MID1: variants seen among roughly 807,000 people sequenced by gnomAD.
MID1 encodes E3 ubiquitin-protein ligase Midline-1.
In MID1, 7 loss-of-function variants were observed where a neutral mutation model predicts 40.4. The ratio of observed to expected loss-of-function variants is 0.17; its 90% confidence interval spans 0.10 to 0.33. MID1 has a LOEUF of 0.33. Ranked by LOEUF, MID1 falls within the 10% of genes least tolerant of loss-of-function variation. MID1 has a pLI of 1.00. For synonymous variants in MID1, 229 were observed against 221.2 expected (o/e 1.04, Z -0.31); for missense variants, 367 against 558.5 (o/e 0.66, Z 3.46).
Position 10,482,495 on chromosome X carries a change from T to G in MID1, c.998A>C (p.Lys333Thr). 1 of 1,210,961 alleles carries G rather than the reference T, an allele frequency of 8.3e-7. No individual in the cohort carries two copies. Among genetic ancestry groups the G allele is most frequent in the Non-Finnish European group, 1.1e-6 (1 of 895,458 alleles). ...CTGCACTCACCTCTCGGTGATATTC[T>G]TAGCAGTCTGTAGGAAACGCGCATG... ...NDHARFLQTA[K>T]NITERVSMAT... The change falls in exon 5 of 10, where the codon AAG (lysine) becomes ACG (threonine). Residue 333 changes from lysine to threonine, a missense_variant. Around this residue, in one of 3 missense-constraint regions of MID1, gnomAD observed 275 missense variants for 383.1 expected, o/e 0.72. Transcript: ENST00000317552.
chrX:10,785,662 G>A (rs1295297209), intron 1 of MID1, among the ~76,000 whole-genome samples: 4,715 of 110,045 alleles, frequency 0.043, 265 homozygotes, highest in African/African-American at 0.15. Context: ...AAATAATGCC[G>A]CATATCTACA....
intron 1 of MID1, among the ~76,000 whole-genome samples, chrX:10,803,509 C>T (rs1309002033): frequency 5.5e-5 from 6 of 109,707 alleles, no homozygotes; most frequent in African/African-American, 1.7e-4. Context: ...TGCACCACCA[C>T]GCCCGGCTAA....
At position 10,636,785 on chromosome X, in the gene MID1, G is replaced by GAGATATAT. The variant is rs757390504; in HGVS notation, c.-186-16367_-186-16366insATATATCT. On this transcript the variant is annotated intron_variant, in intron 1 of 10. Transcript: ENST00000380785. ...CAAACTGGGCCATTCCAACAATGGG[G>GAGATATAT]ATATATATATATATATATATATATA... 1.7e-3 allele frequency among the ~76,000 whole-genome samples: 72 copies of GAGATATAT among 42,708 alleles called. 2 individuals are homozygous for GAGATATAT. The highest frequency in any genetic ancestry group is 0.015 in the Middle Eastern group (1 of 68). The allele number at this position is 42,708 out of a possible 115,157, so 37.1% of individuals were successfully genotyped here. A position where few individuals can be genotyped will look rare whatever the true frequency, so the allele number is the denominator to read the frequency against.
chrX:10,790,591 G>T (rs2043923518), intron 1 of MID1, among the ~76,000 whole-genome samples: 1 of 110,783 alleles, frequency 9.0e-6, no homozygotes, highest in African/African-American at 3.3e-5. Flanking sequence ...ACTAGTACCA[G>T]GACTCCAGCT....
chrX:10,670,961 C>G (rs1225926126), intron 1 of MID1, among the ~76,000 whole-genome samples: 2 of 111,856 alleles, frequency 1.8e-5, no homozygotes, highest in African/African-American at 6.5e-5. Flanking sequence ...ATATGGTTTT[C>G]TCAGTGTGGT....
intron 6 of MID1, among the ~76,000 whole-genome samples, chrX:10,471,076 C>A (rs1929681273): frequency 8.9e-6 from 1 of 111,853 alleles, no homozygotes; most frequent in Non-Finnish European, 1.9e-5. Flanking sequence ...TGGTGGTTTG[C>A]AGTCAAAGTT....
chrX:10,719,679 C>A (rs1419140084), intron 1 of MID1, among the ~76,000 whole-genome samples: 84 of 111,125 alleles, frequency 7.6e-4, no homozygotes, highest in Middle Eastern at 4.6e-3. Flanking sequence ...ACTTTCTTCA[C>A]AGAATTGGAA....
chrX:10,816,230 G>T (rs979537398), intron 1 of MID1, among the ~76,000 whole-genome samples: 1 of 111,799 alleles, frequency 8.9e-6, no homozygotes, highest in South Asian at 3.8e-4. Context: ...GCCCCTTTCT[G>T]TCAATTACAC....
At position 10,688,426 on chromosome X, in the gene MID1, C is replaced by G. The variant is rs889949678; in HGVS notation, c.-186-68007G>C. ...CTTTTTGTTGCTTGCCTTTTAATTT[C>G]ATTCTTACTACTTTTTATCTTTCAG... On this transcript the variant is annotated intron_variant, in intron 1 of 10. Transcript: ENST00000380785. Among the ~76,000 whole-genome samples, 3 of 111,242 alleles carry G rather than the reference C, an allele frequency of 2.7e-5. No homozygotes were observed. The Admixed American group carries it at 2.9e-4, about 11-fold the overall frequency.
At position 10,824,224 on chromosome X, in the gene MID1, T is replaced by C. The variant is rs140857280; in HGVS notation, c.-187+9330A>G. ...GAACAGGAAAAACAGACCAGAAGGC[T>C]TGATGGTGTGCAAAGCTCACATCTT... On this transcript the variant is annotated intron_variant, in intron 1 of 10. Coordinates refer to the MID1 transcript ENST00000380785. Among the ~76,000 whole-genome samples the C allele has an allele frequency of 5.7e-3, 645 of 112,225 alleles. 3 individuals carry two copies. The highest frequency in any genetic ancestry group is 0.02 in the African/African-American group (612 of 30,948).
intron 1 of MID1, among the ~76,000 whole-genome samples, chrX:10,820,850 C>T (rs939103617): frequency 8.9e-6 from 1 of 112,386 alleles, no homozygotes; most frequent in Non-Finnish European, 1.9e-5. Flanking sequence ...ACTAACACAC[C>T]GTGTCAAACT....
intron 1 of MID1, among the ~76,000 whole-genome samples, chrX:10,793,819 C>A (rs1230172392): frequency 8.9e-6 from 1 of 112,167 alleles, no homozygotes; most frequent in African/African-American, 3.2e-5. Context: ...CAGGTCACCT[C>A]CACAGAGACT....
intron 1 of MID1, among the ~76,000 whole-genome samples, chrX:10,827,677 G>A (rs1330614846): frequency 9.0e-6 from 1 of 111,024 alleles, no homozygotes; most frequent in Non-Finnish European, 1.9e-5. Flanking sequence ...GCATTCCTTG[G>A]GTTATGAATG....
chrX:10,548,611 T>A (rs188776695), intron 2 of MID1, among the ~76,000 whole-genome samples: 101 of 111,968 alleles, frequency 9.0e-4, no homozygotes, highest in African/African-American at 3.1e-3. Flanking sequence ...GATAAATTAA[T>A]CTCCAAGGAA....
At chrX:10,818,738 T>C (rs887706813) in intron 1 of MID1, among the ~76,000 whole-genome samples, 1 of 112,288 alleles carries the variant, frequency 8.9e-6, no homozygotes. Context: ...GGGATGATAT[T>C]AGCCAGCATT....
chrX:10,646,873 A>G (rs984305732), intron 1 of MID1, among the ~76,000 whole-genome samples: 1 of 111,969 alleles, frequency 8.9e-6, no homozygotes, highest in Non-Finnish European at 1.9e-5. Flanking sequence ...CCATTTTTCC[A>G]CAGGCCATTT....
chrX:10,749,749 G>A (rs750028650), intron 1 of MID1, among the ~76,000 whole-genome samples: 186 of 110,901 alleles, frequency 1.7e-3, no homozygotes, highest in Non-Finnish European at 2.8e-3. Flanking sequence ...TGAGAAAGAG[G>A]GAGAGGCAGG....
chrX:10,608,469 GA>G (rs1290255899), intron 1 of MID1, among the ~76,000 whole-genome samples: 1 of 111,554 alleles, frequency 9.0e-6, no homozygotes, highest in Admixed American at 9.5e-5. Flanking sequence ...AAGTGAGCGG[GA>G]AAAAATGTCA....
intron 1 of MID1, among the ~76,000 whole-genome samples, chrX:10,659,060 TAC>T (rs1281161973): frequency 9.3e-6 from 1 of 108,053 alleles, no homozygotes; most frequent in Non-Finnish European, 1.9e-5. Context: ...CATCCAAACT[TAC>T]AGTCTTTGGA....
Sources: allele counts gnomAD v4.1 joint callset (sites outside exome capture counted in the v4.1 genomes callset), GRCh38; gene constraint gnomAD v4.1.1; regional missense constraint gnomAD v4.1.1; transcripts MANE v1.5; gene names NCBI Gene and HGNC (gene_info 2026-07-23, HGNC 2026-07-21).